KMT2E: variants seen among roughly 807,000 people sequenced by gnomAD.
KMT2E encodes lysine methyltransferase 2E (inactive), also known as histone reader KMT2E.
Under a neutral mutation model 184.6 loss-of-function variants are expected in KMT2E, and 30 were observed. The observed-to-expected ratio is 0.16, with a 90% CI of 0.12 to 0.22. The LOEUF is 0.22. KMT2E is among the 10% of genes least tolerant of loss of function. The probability of loss-of-function intolerance (pLI) is 1.00; values close to 1 mark genes in which losing one functional copy is unlikely to be tolerated. For missense variants in KMT2E, 2,023 were observed against 2,237.4 expected, an observed-to-expected ratio of 0.90 and a Z score of 1.93; for synonymous variants, 815 against 776.5, an observed-to-expected ratio of 1.05 and a Z score of -0.82.
rs766655253 is a variant in KMT2E at position 105,112,920 on chromosome 7, C to T, written c.5164C>T (p.Pro1722Ser). 1.9e-6 allele frequency: 3 copies of T among 1,613,754 alleles called. No individual in the cohort carries two copies. The Admixed American group carries it at 5.0e-5, about 27-fold the overall frequency. Residue 1722 changes from proline (P) to serine (S), a missense_variant, in exon 27 of 27, where the codon CCA becomes TCA. Pro to Ser is a moderately conservative substitution (Grantham distance 74). Transcript: ENST00000311117. ...NSAPPPPPPP[P>S]PSSVLASGHH... The stretch of plus-strand genomic sequence containing the variant: ...AGCACCCCCACCACCCCCTCCGCCG[C>T]CACCTTCCAGTGTTTTGGCTTCTGG...
rs1252346945 is a variant in KMT2E, at chr7:105,028,495, CTCTT to C, written c.-188-9626_-188-9623del. Among the ~76,000 whole-genome samples the C allele has an allele frequency of 2.0e-5, 3 of 150,306 alleles. No individual in the cohort carries two copies. The East Asian group carries it at 6.0e-4, about 30-fold the overall frequency. On this transcript the variant is annotated intron_variant, in intron 1 of 26. Coordinates refer to ENST00000311117, the MANE Select transcript of KMT2E (RefSeq NM_182931.3). ...CTGAGACATTTCTGTTTTCTTTTTC[CTCTT>C]TCTTGCTTTTTTTTGAGGGATGGTC...
chr7:105,028,103 T>G (rs982880586), intron 1 of KMT2E, among the ~76,000 whole-genome samples: 14 of 152,100 alleles, frequency 9.2e-5, no homozygotes, highest in Middle Eastern at 3.4e-3. Flanking sequence ...TGTCTACATA[T>G]CGTACTCTGA....
intron 14 of KMT2E, 77 bp downstream of exon 14, chr7:105,090,350 T>A: frequency 6.9e-7 from 1 of 1,449,732 alleles, no homozygotes. Flanking sequence ...TTCTTTGTTC[T>A]ATGTATAATT....
chr7:105,015,876 T>G (rs946595610), intron 1 of KMT2E, among the ~76,000 whole-genome samples: 4 of 152,094 alleles, frequency 2.6e-5, no homozygotes, highest in African/African-American at 9.7e-5. Flanking sequence ...TTAATTTGAT[T>G]CGTTTTTCCT....
In KMT2E at chr7:105,110,353, A is replaced by C. The variant is rs750517577; in HGVS notation, c.3829A>C (p.Lys1277Gln). 2.5e-6 allele frequency: 4 copies of C among 1,614,136 alleles called. No individual in the cohort carries two copies. The highest frequency in any genetic ancestry group is 3.4e-6 in the Non-Finnish European group (4 of 1,179,970). ...QRALLLSDHR[K>Q]DKDSGGESPC... Reference sequence around the variant, plus strand: ...AGCTTTACTTCTCAGTGATCACCGAAAAGATAAAGATAGTGGTAAGTGAGC... The same window carrying C: ...AGCTTTACTTCTCAGTGATCACCGACAAGATAAAGATAGTGGTAAGTGAGC... The change falls in exon 24 of 27, where the codon AAA becomes CAA. Residue 1277 changes from lysine to glutamine, a missense_variant. Lys to Gln is a moderately conservative substitution (Grantham distance 53, BLOSUM62 1). This residue lies in a region of KMT2E where 1,108 missense variants were observed against 1,050.9 expected (regional missense o/e 1.05). Coordinates refer to ENST00000311117, the MANE Select transcript of KMT2E (RefSeq NM_182931.3).
intron 26 of KMT2E, 153 bp downstream of exon 26, chr7:105,111,021 C>T: frequency 1.6e-6 from 1 of 616,700 alleles, no homozygotes. Flanking sequence ...ATTGTGTTTA[C>T]TACTGTTTGT....
At position 105,074,627 on chromosome 7, in the gene KMT2E, T is replaced by G; in HGVS notation, c.557-16T>G. ...TAGAAGTATTAAATGTGCAATAATT[T>G]TTATTTTGTCTGAAGATGGTGATAC... On this transcript the variant is annotated splice_polypyrimidine_tract_variant and intron_variant, in intron 7 of 26. Coordinates refer to ENST00000311117, the MANE Select transcript of KMT2E (RefSeq NM_182931.3). 11 of 1,466,544 alleles carry G rather than the reference T, an allele frequency of 7.5e-6. No individual in the cohort carries two copies. The highest frequency in any genetic ancestry group is 1.0e-5 in the Non-Finnish European group (11 of 1,103,498). 90.8% of individuals were successfully genotyped at this position (1,466,544 alleles called of 1,614,324 possible).
chr7:105,103,332 TA>T (rs1317338273), intron 17 of KMT2E: 1 of 152,244 alleles, frequency 6.6e-6, no homozygotes, highest in African/African-American at 2.4e-5. Context: ...TTTGTTATTT[TA>T]AACAACATAC....
chr7:105,081,031 C>G (rs1302299275), intron 12 of KMT2E, among the ~76,000 whole-genome samples: 1 of 151,220 alleles, frequency 6.6e-6, no homozygotes, highest in Non-Finnish European at 1.5e-5. Context: ...ACAAAAAACC[C>G]TAAGATGCCA....
intron 15 of KMT2E, among the ~76,000 whole-genome samples, chr7:105,100,109 GATACGTA>G (rs1168290435): frequency 6.6e-6 from 1 of 152,168 alleles, no homozygotes; most frequent in Non-Finnish European, 1.5e-5. Context: ...GTGAGATACA[GATACGTA>G]ATCCATGAAC....
chr7:105,081,752 A>G lies in KMT2E; in HGVS notation c.1313A>G (p.Lys438Arg), dbSNP rs201969329. The G allele has an allele frequency of 1.9e-5, 29 of 1,544,138 alleles. No individual in the cohort carries two copies. The Admixed American group carries it at 3.7e-4, about 20-fold the overall frequency. ...ATTTATTCTATACACAGTATTCCAA[A>G]GGGAACTGAAATTACTATTGCCTTT... ...LYIYSIHSIP[K>R]GTEITIAFDF... Residue 438 changes from lysine to arginine, a missense_variant, in exon 13 of 27, where the codon AAG becomes AGG. By Grantham distance (26) the Lys-to-Arg change is conservative. Coordinates refer to ENST00000311117, the MANE Select transcript of KMT2E (RefSeq NM_182931.3).
Position 105,050,022 on chromosome 7 carries a change from C to G in KMT2E, c.71+8999C>G, listed in dbSNP as rs530075949. ...ATTCTTCCCTCTTGCCTGCAGTCAT[C>G]CCATGTCTCTTGCATCTTCAGTTTC... On this transcript the variant is annotated intron_variant, in intron 3 of 26. Coordinates refer to ENST00000311117, the MANE Select transcript of KMT2E (RefSeq NM_182931.3). Among the ~76,000 whole-genome samples the G allele has an allele frequency of 2.6e-5, 4 of 152,322 alleles. No individual in the cohort carries two copies. The East Asian group carries it at 7.7e-4, about 29-fold the overall frequency.
intron 1 of KMT2E, among the ~76,000 whole-genome samples, chr7:105,032,075 A>C (rs1331536840): frequency 2.9e-5 from 1 of 34,948 alleles, no homozygotes; most frequent in Non-Finnish European, 4.8e-5. Context: ...TCTTATCACA[A>C]AAAAAAAAAA....
chr7:105,110,934 T>C (rs1799219554), intron 26 of KMT2E, 66 bp downstream of exon 26: 1 of 1,081,436 alleles, frequency 9.2e-7, no homozygotes, highest in African/African-American at 1.6e-5. Flanking sequence ...AGCTGATGGT[T>C]ATAATATGCA....
At position 105,112,955 on chromosome 7, in the gene KMT2E, C is replaced by T. The variant is rs1799390261; in HGVS notation, c.5199C>T (p.Thr1733=). 3 of 1,613,968 alleles carry T rather than the reference C, an allele frequency of 1.9e-6. No individual in the cohort carries two copies. Among genetic ancestry groups the T allele is most frequent in the South Asian group, 2.2e-5 (2 of 91,072 alleles). Reference sequence around the variant, plus strand: ...GTGTTTTGGCTTCTGGGCATCATACCACATCAGCTCAAGCCTTACACCACC... The same window carrying T: ...GTGTTTTGGCTTCTGGGCATCATACTACATCAGCTCAAGCCTTACACCACC... ...PSSVLASGHH[T]TSAQALHHPP... is the part of the protein sequence containing the mutation. Residue 1733 remains threonine, a synonymous_variant, in exon 27 of 27, where the codon ACC becomes ACT. Coordinates refer to ENST00000311117, the MANE Select transcript of KMT2E (RefSeq NM_182931.3).
At chr7:105,109,274 G>T in intron 23 of KMT2E, 46 bp downstream of exon 23, 1 of 1,567,784 alleles carries the variant, frequency 6.4e-7, no homozygotes, top group Non-Finnish European at 8.7e-7. Context: ...ACAAGCTTTT[G>T]TTCAAGTATT....
At chr7:105,105,040 C>T (rs896335204) in intron 17 of KMT2E, 2 of 155,494 alleles carry the variant, frequency 1.3e-5, no homozygotes, top group African/African-American at 2.4e-5. Flanking sequence ...TGGTGGTGAG[C>T]GCCTTGTCCC....
chr7:105,109,079 T>C lies in KMT2E; in HGVS notation c.3606T>C (p.Ser1202=). 2 of 1,614,180 alleles carry C rather than the reference T, an allele frequency of 1.2e-6. No individual in the cohort carries two copies. The highest frequency in any genetic ancestry group is 1.7e-6 in the Non-Finnish European group (2 of 1,180,020). ...ACAATGGTGATGGCTGTGCCAGCAG[T>C]AATGACAATGGGGAGCAGGTGGACC... ...LSNNGDGCAS[S]NDNGEQVDHT... Residue 1202 remains serine, a synonymous_variant, in exon 23 of 27, where the codon AGT becomes AGC. Coordinates refer to ENST00000311117, the MANE Select transcript of KMT2E (RefSeq NM_182931.3).
At position 105,107,548 on chromosome 7, in the gene KMT2E, G is replaced by A. The variant is rs751666736; in HGVS notation, c.3091G>A (p.Glu1031Lys). The change falls in exon 22 of 27, where the codon GAG (glutamate) becomes AAG (lysine). Residue 1031 changes from glutamate (E) to lysine (K), a missense_variant. Transcript: ENST00000311117. ...CCTTCAGCTAGGACTCGATGCAGTT[G>A]AGCCAACTGCCCTACATAAAACCCT... ...SDLQLGLDAV[E>K]PTALHKTLET... 14 of 1,614,072 alleles carry A rather than the reference G, an allele frequency of 8.7e-6. No individual in the cohort carries two copies. The South Asian group carries it at 1.5e-4, about 18-fold the overall frequency.
Sources: allele counts gnomAD v4.1 joint callset (sites outside exome capture counted in the v4.1 genomes callset), GRCh38; gene constraint gnomAD v4.1.1; regional missense constraint gnomAD v4.1.1; transcripts MANE v1.5; gene names NCBI Gene and HGNC (gene_info 2026-07-23, HGNC 2026-07-21).